Variants in SLC24A3 observed in about 807,000 individuals in gnomAD.
SLC24A3 encodes solute carrier family 24 member 3.
A neutral mutation model predicts 75.8 loss-of-function variants in SLC24A3; 28 were observed. The observed-to-expected ratio is 0.37, with a 90% confidence interval of 0.27 to 0.51. The LOEUF is 0.51. Among genes scored for constraint, SLC24A3 ranks in the 20% least tolerant of loss-of-function variants. SLC24A3 has a pLI of 0.94. For missense variants in SLC24A3, 663 were observed against 847.8 expected, an observed-to-expected ratio of 0.78 and a Z score of 2.71; for synonymous variants, 372 against 334.1, an observed-to-expected ratio of 1.11 and a Z score of -1.24.
intron 1 of SLC24A3, among the ~76,000 whole-genome samples, chr20:19,232,431 A>T (rs993019983): frequency 2.6e-5 from 4 of 152,208 alleles, no homozygotes; most frequent in African/African-American, 9.6e-5. Context: ...AACATATTTG[A>T]AATAAAGGTC....
chr20:19,593,879 A>C (rs1414418819), intron 6 of SLC24A3, among the ~76,000 whole-genome samples: 1 of 152,134 alleles, frequency 6.6e-6, no homozygotes, highest in Non-Finnish European at 1.5e-5. Context: ...CTTCTTCCGC[A>C]CTGCTGCAAC....
intron 7 of SLC24A3, among the ~76,000 whole-genome samples, chr20:19,658,134 C>T (rs1349011134): frequency 6.6e-6 from 1 of 152,156 alleles, no homozygotes; most frequent in African/African-American, 2.4e-5. Flanking sequence ...TCTGTGTACA[C>T]GCCCACCAAG....
At chr20:19,645,477 A>G (rs1344738630) in intron 6 of SLC24A3, among the ~76,000 whole-genome samples, 3 of 152,158 alleles carry the variant, frequency 2.0e-5, no homozygotes, top group African/African-American at 7.2e-5. Flanking sequence ...TAGCAGAAAG[A>G]GAGTAGTATA....
chr20:19,447,248 G>A (rs1535020), intron 2 of SLC24A3, among the ~76,000 whole-genome samples: 81,166 of 151,942 alleles, frequency 0.53, 23,854 homozygotes, highest in East Asian at 0.93. Context: ...CAAGAAAATG[G>A]CCAATGTAGT....
intron 2 of SLC24A3, among the ~76,000 whole-genome samples, chr20:19,448,923 A>C (rs1041702443): frequency 2.0e-5 from 3 of 152,162 alleles, no homozygotes; most frequent in Middle Eastern, 3.2e-3. Context: ...AGGAGAGAAA[A>C]CCACACTTTG....
chr20:19,325,761 C>CAT (rs1568589782), intron 2 of SLC24A3, among the ~76,000 whole-genome samples: 1 of 44,444 alleles, frequency 2.3e-5, no homozygotes, highest in African/African-American at 1.1e-4. Flanking sequence ...TGTATACATA[C>CAT]ATACATATAT....
intron 2 of SLC24A3, among the ~76,000 whole-genome samples, chr20:19,336,508 C>T (rs911501206): frequency 6.6e-6 from 1 of 152,174 alleles, no homozygotes; most frequent in Non-Finnish European, 1.5e-5. Context: ...CCCTCAGCTT[C>T]CTGAGTAGCT....
chr20:19,307,910 A>C (rs1340732914), intron 2 of SLC24A3, among the ~76,000 whole-genome samples: 1 of 152,218 alleles, frequency 6.6e-6, no homozygotes, highest in Non-Finnish European at 1.5e-5. Context: ...CCCAGCAGAC[A>C]TCGGTTTGCT....
chr20:19,263,169 AC>A (rs1983051204), intron 1 of SLC24A3, among the ~76,000 whole-genome samples: 1 of 152,022 alleles, frequency 6.6e-6, no homozygotes. Context: ...TGACTTGCTG[AC>A]CTTGGCTGGT....
At chr20:19,643,415 G>T (rs886261756) in intron 6 of SLC24A3, among the ~76,000 whole-genome samples, 1 of 152,120 alleles carries the variant, frequency 6.6e-6, no homozygotes, top group Non-Finnish European at 1.5e-5. Flanking sequence ...GATCCTTCCC[G>T]ATATGAACCA....
intron 2 of SLC24A3, among the ~76,000 whole-genome samples, chr20:19,350,659 A>G (rs374703165): frequency 6.6e-6 from 1 of 152,218 alleles, no homozygotes; most frequent in Admixed American, 6.5e-5. Flanking sequence ...AACTGTTATG[A>G]TCTAATGGAA....
chr20:19,497,384 C>T (rs576410105), intron 2 of SLC24A3, among the ~76,000 whole-genome samples: 7 of 152,146 alleles, frequency 4.6e-5, no homozygotes, highest in South Asian at 2.1e-4. Context: ...GAATCCCAGA[C>T]GCTATGTCCT....
chr20:19,260,523 T>G (rs1257861888), intron 1 of SLC24A3, among the ~76,000 whole-genome samples: 1 of 152,180 alleles, frequency 6.6e-6, no homozygotes, highest in Non-Finnish European at 1.5e-5. Flanking sequence ...TGTGTTGTAT[T>G]TAGAAATAAT....
intron 2 of SLC24A3, among the ~76,000 whole-genome samples, chr20:19,512,975 G>T (rs906785343): frequency 2.0e-5 from 3 of 152,180 alleles, no homozygotes; most frequent in African/African-American, 7.2e-5. Flanking sequence ...TGGCTGTTGT[G>T]ATTGATACAT....
intron 6 of SLC24A3, among the ~76,000 whole-genome samples, chr20:19,586,482 T>A (rs2031297827): frequency 6.6e-6 from 1 of 152,100 alleles, no homozygotes; most frequent in Non-Finnish European, 1.5e-5. Context: ...CTCCTAGAAG[T>A]GGCTGATTGG....
Position 19,600,050 on chromosome 20 carries a change from C to G in SLC24A3, c.612+14506C>G, listed in dbSNP as rs973659840. Among the ~76,000 whole-genome samples, 3 of 152,140 alleles carry G rather than the reference C, an allele frequency of 2.0e-5. No individual in the cohort carries two copies. The South Asian group carries it at 6.2e-4, about 32-fold the overall frequency. On this transcript the variant is annotated intron_variant, in intron 6 of 16. Coordinates refer to ENST00000328041, the MANE Select transcript of SLC24A3 (RefSeq NM_020689.4). ...TATGCTACCTGTGAAGGTCCAGGAG[C>G]CAGGTTGAAGGCCCGTGGGGGTCAT...
intron 15 of SLC24A3, among the ~76,000 whole-genome samples, chr20:19,714,427 C>A (rs6075564): frequency 0.36 from 10,390 of 29,038 alleles, 1,181 homozygotes; most frequent in Middle Eastern, 0.51. Context: ...AAAAAAAAAA[C>A]AACAAAAAGA....
At chr20:19,432,945 T>C (rs1987129996) in intron 2 of SLC24A3, among the ~76,000 whole-genome samples, 1 of 152,208 alleles carries the variant, frequency 6.6e-6, no homozygotes, top group South Asian at 2.1e-4. Flanking sequence ...ATCCTATTGC[T>C]CAAGGTCATC....
intron 2 of SLC24A3, among the ~76,000 whole-genome samples, chr20:19,511,786 G>A (rs181434991): frequency 2.5e-4 from 38 of 152,234 alleles, no homozygotes; most frequent in African/African-American, 7.9e-4. Context: ...TTCCTGATAC[G>A]TGTTTTCTGA....
Sources: allele counts gnomAD v4.1 joint callset (sites outside exome capture counted in the v4.1 genomes callset), GRCh38; gene constraint gnomAD v4.1.1; transcripts MANE v1.5; gene names NCBI Gene and HGNC (gene_info 2026-07-23, HGNC 2026-07-21).